Variants in ZBTB7C observed in about 807,000 individuals in gnomAD.
ZBTB7C encodes zinc finger and BTB domain-containing protein 7C.
ZBTB7C carries 8 observed loss-of-function variants against 25.7 expected under a neutral mutation model. The observed-to-expected ratio is 0.31, with a 90% CI of 0.18 to 0.56. The LOEUF (loss-of-function observed/expected upper bound fraction) is 0.56, where lower values mean the gene tolerates loss of function less well. ZBTB7C is among the 20% of genes least tolerant of loss of function. The pLI is 0.91. For missense variants in ZBTB7C, 824 were observed against 855.2 expected (o/e 0.96, Z 0.46); for synonymous variants, 394 against 369.0 (o/e 1.07, Z -0.78).
At chr18:48,337,017 G>A (rs1186922881) in intron 2 of ZBTB7C, among the ~76,000 whole-genome samples, 3 of 152,052 alleles carry the variant, frequency 2.0e-5, no homozygotes, top group African/African-American at 7.3e-5. Context: ...GTCCAGTTCC[G>A]AGCCCACCTA....
chr18:48,108,811 C>A (rs1226009470), intron 3 of ZBTB7C, among the ~76,000 whole-genome samples: 1 of 152,130 alleles, frequency 6.6e-6, no homozygotes, highest in Admixed American at 6.5e-5. Flanking sequence ...GGGCTTAGGA[C>A]CTCCACCTCT....
At chr18:48,401,803 A>G (rs1303063780) in intron 1 of ZBTB7C, among the ~76,000 whole-genome samples, 1 of 152,056 alleles carries the variant, frequency 6.6e-6, no homozygotes, top group Non-Finnish European at 1.5e-5. Context: ...TTCTGTCTCC[A>G]GGGAGTTAAG....
upstream of ZBTB7C, among the ~76,000 whole-genome samples, chr18:48,411,953 T>C (rs1362796895): frequency 2.0e-5 from 3 of 152,376 alleles, no homozygotes; most frequent in East Asian, 3.9e-4. Flanking sequence ...ATGGTAAACG[T>C]TGCTTTGCAA....
At chr18:48,137,425 C>T (rs942391137) in intron 3 of ZBTB7C, 2 of 570,524 alleles carry the variant, frequency 3.5e-6, no homozygotes, top group Non-Finnish European at 4.4e-6. Context: ...TCCCCCCACT[C>T]TCCTTCTCTA....
intron 2 of ZBTB7C, among the ~76,000 whole-genome samples, chr18:48,232,393 AC>A (rs1414885475): frequency 1.3e-5 from 2 of 152,142 alleles, no homozygotes; most frequent in East Asian, 3.9e-4. Context: ...GTTTTAAGCC[AC>A]CTACTTTGTC....
At chr18:48,143,156 G>A (rs989592840) in intron 3 of ZBTB7C, among the ~76,000 whole-genome samples, 1 of 152,162 alleles carries the variant, frequency 6.6e-6, no homozygotes, top group Admixed American at 6.5e-5. Context: ...GGGGCCAGGA[G>A]CAGCATTATA....
intron 3 of ZBTB7C, among the ~76,000 whole-genome samples, chr18:48,092,770 T>C (rs558524671): frequency 1.8e-4 from 27 of 152,328 alleles, no homozygotes; most frequent in African/African-American, 5.8e-4. Flanking sequence ...CATTTCTAAG[T>C]GCGAAGTTAA....
At chr18:48,155,154 C>A (rs1160711905) in intron 3 of ZBTB7C, among the ~76,000 whole-genome samples, 1 of 152,068 alleles carries the variant, frequency 6.6e-6, no homozygotes, top group African/African-American at 2.4e-5. Context: ...GACATGGGCC[C>A]CAAGGAAGTG....
chr18:48,229,272 C>T (rs1435771071), intron 2 of ZBTB7C, among the ~76,000 whole-genome samples: 1 of 152,164 alleles, frequency 6.6e-6, no homozygotes, highest in Non-Finnish European at 1.5e-5. Flanking sequence ...CTAATTTTAG[C>T]TCTAATCTTC....
At chr18:48,074,226 C>A (rs755300518) in intron 3 of ZBTB7C, among the ~76,000 whole-genome samples, 10 of 152,120 alleles carry the variant, frequency 6.6e-5, no homozygotes, top group Non-Finnish European at 1.5e-4. Flanking sequence ...ATTGGTCAGG[C>A]TGGTCTTGAA....
chr18:48,081,944 G>A (rs1430014970), intron 3 of ZBTB7C, among the ~76,000 whole-genome samples: 1 of 148,126 alleles, frequency 6.8e-6, no homozygotes, highest in East Asian at 1.9e-4. Context: ...TAGATATACT[G>A]AGTTAAAATA....
chr18:48,407,123 T>C (rs1410780086), intron 1 of ZBTB7C, among the ~76,000 whole-genome samples: 1 of 152,218 alleles, frequency 6.6e-6, no homozygotes, highest in Non-Finnish European at 1.5e-5. Flanking sequence ...CCCAGATAAT[T>C]GCTCATCTTT....
chr18:48,161,624 G>A (rs977069895), intron 3 of ZBTB7C, among the ~76,000 whole-genome samples: 1 of 151,782 alleles, frequency 6.6e-6, no homozygotes, highest in African/African-American at 2.4e-5. Context: ...CAGCCGCTCC[G>A]CCCGGCCACA....
chr18:48,260,592 C>T (rs2072576921), intron 2 of ZBTB7C, among the ~76,000 whole-genome samples: 1 of 152,146 alleles, frequency 6.6e-6, no homozygotes, highest in African/African-American at 2.4e-5. Context: ...GGAGTTGCAG[C>T]AGATCAAGGC....
intron 1 of ZBTB7C, among the ~76,000 whole-genome samples, chr18:48,362,362 G>T (rs573574140): frequency 2.0e-5 from 3 of 152,352 alleles, no homozygotes; most frequent in Admixed American, 1.3e-4. Context: ...ATGTGATGGT[G>T]TGAGGAGGTG....
intron 3 of ZBTB7C, among the ~76,000 whole-genome samples, chr18:48,145,205 C>T (rs1365606347): frequency 6.6e-6 from 1 of 152,196 alleles, no homozygotes; most frequent in East Asian, 1.9e-4. Context: ...ACTCTGTCTG[C>T]TTCCTTTCTT....
intron 2 of ZBTB7C, among the ~76,000 whole-genome samples, chr18:48,311,009 C>T (rs1022906388): frequency 6.6e-6 from 1 of 152,204 alleles, no homozygotes; most frequent in African/African-American, 2.4e-5. Flanking sequence ...TCTTTGCTCA[C>T]CATTCCCAGA....
At chr18:48,274,573 T>C (rs2144594623) in intron 2 of ZBTB7C, among the ~76,000 whole-genome samples, 1 of 152,302 alleles carries the variant, frequency 6.6e-6, no homozygotes, top group Middle Eastern at 3.4e-3. Context: ...TCATAAATGC[T>C]GCATTGATCC....
intron 3 of ZBTB7C, among the ~76,000 whole-genome samples, chr18:48,171,970 T>G (rs1336302040): frequency 6.6e-6 from 1 of 152,196 alleles, no homozygotes; most frequent in African/African-American, 2.4e-5. Context: ...GTCCACGCAT[T>G]TGGGGATTTC....
Sources: allele counts gnomAD v4.1 joint callset (sites outside exome capture counted in the v4.1 genomes callset), GRCh38; gene constraint gnomAD v4.1.1; transcripts MANE v1.5; gene names NCBI Gene and HGNC (gene_info 2026-07-23, HGNC 2026-07-21).